RGS6: variants seen among roughly 807,000 people sequenced by gnomAD.
RGS6 encodes regulator of G-protein signaling 6.
RGS6 carries 30 observed loss-of-function variants against 78.5 expected under a neutral mutation model. The ratio of observed to expected loss-of-function variants is 0.38; its 90% CI spans 0.29 to 0.52. RGS6 has a LOEUF of 0.52. Among genes scored for constraint, RGS6 ranks in the 20% least tolerant of loss-of-function variants. RGS6 has a pLI of 0.85. For synonymous variants in RGS6, 206 were observed against 206.0 expected, an observed-to-expected ratio of 1.00 and a Z score of 0.00; for missense variants, 495 against 609.7, an observed-to-expected ratio of 0.81 and a Z score of 1.98.
At chr14:72,002,391 A>G (rs1358768567) in intron 2 of RGS6, among the ~76,000 whole-genome samples, 3 of 152,172 alleles carry the variant, frequency 2.0e-5, no homozygotes, top group African/African-American at 7.2e-5. Context: ...CATTTTAGAC[A>G]TTAGTGTTTT....
the RGS6 span, among the ~76,000 whole-genome samples, chr14:72,584,640 T>G: frequency 6.6e-6 from 1 of 152,138 alleles, no homozygotes; most frequent in Non-Finnish European, 1.5e-5. Flanking sequence ...AGGGTGATCC[T>G]ACAGAGAGTA....
At chr14:72,387,055 T>C (rs2088320626) in intron 3 of RGS6, among the ~76,000 whole-genome samples, 1 of 152,190 alleles carries the variant, frequency 6.6e-6, no homozygotes, top group Non-Finnish European at 1.5e-5. Flanking sequence ...CTTAAAACAC[T>C]GACTATGCAA....
rs139341855 is a variant in RGS6, at chr14:72,382,397, T to C, written c.184+30203T>C. 2.3e-3 allele frequency among the ~76,000 whole-genome samples: 345 copies of C among 152,316 alleles called. 1 individual carries two copies. The highest frequency in any genetic ancestry group is 7.7e-3 in the African/African-American group (322 of 41,568). On this transcript the variant is annotated intron_variant, in intron 3 of 17. Coordinates refer to ENST00000553525, the MANE Select transcript of RGS6 (RefSeq NM_001204424.2). ...CAAATTAATTAAAACTACAGTGAGATATCATTTTAATTCACTAAACTGGAA... is the reference window on the plus strand; with the variant it reads ...CAAATTAATTAAAACTACAGTGAGACATCATTTTAATTCACTAAACTGGAA...
At chr14:72,034,048 A>G (rs964495025) in intron 2 of RGS6, among the ~76,000 whole-genome samples, 1 of 152,208 alleles carries the variant, frequency 6.6e-6, no homozygotes, top group Admixed American at 6.5e-5. Context: ...AGCCATTTAT[A>G]GTATATCTTC....
chr14:72,593,152 A>G, the RGS6 span, among the ~76,000 whole-genome samples: 4 of 152,254 alleles, frequency 2.6e-5, no homozygotes, highest in Non-Finnish European at 5.9e-5. Flanking sequence ...ACCCACAACC[A>G]TGCCCAAGAA....
At chr14:72,174,834 T>C (rs752465283) in intron 2 of RGS6, among the ~76,000 whole-genome samples, 9 of 152,312 alleles carry the variant, frequency 5.9e-5, no homozygotes, top group Middle Eastern at 6.8e-3. Context: ...GTGGCAGTTT[T>C]GGCAGCTGAC....
chr14:72,304,868 G>C (rs1198226533), intron 2 of RGS6, among the ~76,000 whole-genome samples: 4 of 143,094 alleles, frequency 2.8e-5, no homozygotes, highest in Non-Finnish European at 6.0e-5. Context: ...CACAGAGCGA[G>C]ATTCTGTCTC....
Position 72,540,159 on chromosome 14 carries a change from T to TC in RGS6, c.1422+65_1422+66insC, listed in dbSNP as rs201782787. 1,829 of 1,053,306 alleles carry TC rather than the reference T, an allele frequency of 1.7e-3. 6 individuals are homozygous for TC. In the African/African-American group the frequency reaches 0.02, roughly 12 times the overall value. 65.2% of individuals were successfully genotyped at this position (1,053,306 alleles called of 1,614,324 possible). ...GTTTTGGTTTTTTCTTTCTTCTTCT[T>TC]TTTTTTTTTTTTCCCTTTGGTTGTT... On this transcript the variant is annotated intron_variant, in intron 17 of 17. Coordinates refer to ENST00000553525, the MANE Select transcript of RGS6 (RefSeq NM_001204424.2).
At chr14:72,540,650 G>A (rs780924629) in intron 17 of RGS6, 5 of 1,410,552 alleles carry the variant, frequency 3.5e-6, no homozygotes, top group Non-Finnish European at 4.7e-6. Flanking sequence ...GTGTGTGTTA[G>A]TCGCCTCTGC....
At chr14:72,334,350 G>A (rs1279799194) in intron 2 of RGS6, among the ~76,000 whole-genome samples, 1 of 152,190 alleles carries the variant, frequency 6.6e-6, no homozygotes, top group Non-Finnish European at 1.5e-5. Context: ...TGTCTCGTTT[G>A]ACGCCTACAA....
chr14:72,255,464 T>C (rs144973926), intron 2 of RGS6, among the ~76,000 whole-genome samples: 1 of 152,306 alleles, frequency 6.6e-6, no homozygotes, highest in Admixed American at 6.5e-5. Flanking sequence ...CCACAGTTAT[T>C]CCTTACATTT....
chr14:72,498,825 A>G (rs557484961), intron 13 of RGS6, among the ~76,000 whole-genome samples: 1 of 152,308 alleles, frequency 6.6e-6, no homozygotes, highest in South Asian at 2.1e-4. Flanking sequence ...GGTTTGGTTC[A>G]CGGAGTTCCC....
At chr14:72,447,765 C>T (rs1371587432) in intron 3 of RGS6, among the ~76,000 whole-genome samples, 20 of 152,154 alleles carry the variant, frequency 1.3e-4, no homozygotes, top group African/African-American at 3.6e-4. Context: ...TGCAGTGGCA[C>T]GATCTCGGCT....
chr14:72,477,994 T>C (rs2096280387), intron 11 of RGS6, among the ~76,000 whole-genome samples: 1 of 152,038 alleles, frequency 6.6e-6, no homozygotes, highest in Non-Finnish European at 1.5e-5. Context: ...ACGTAGAAAA[T>C]ACATTGCCTT....
In RGS6 at chr14:72,465,610, A is replaced by ATGGATGGT; in HGVS notation, c.395-145_395-144insATGGTTGG. ...GATGGATGGATGGATGGTTGGGTGG[A>ATGGATGGT]TGGGTGGATGGGTGGATGGATGGAT... On this transcript the variant is annotated intron_variant, in intron 6 of 17. Coordinates refer to ENST00000553525, the MANE Select transcript of RGS6 (RefSeq NM_001204424.2). 7.3e-6 allele frequency: 4 copies of ATGGATGGT among 547,216 alleles called. No homozygotes were observed. In the African/African-American group the frequency reaches 7.3e-5, roughly 10 times the overall value. The allele number at this position is 547,216 out of a possible 1,614,324, so 33.9% of individuals were successfully genotyped here.
intron 2 of RGS6, among the ~76,000 whole-genome samples, chr14:72,269,970 C>T (rs375328802): frequency 1.3e-5 from 2 of 152,308 alleles, no homozygotes; most frequent in East Asian, 3.9e-4. Context: ...ATGTCCTGCC[C>T]TCAGGAAGTT....
chr14:72,035,120 G>A (rs972453084), intron 2 of RGS6, among the ~76,000 whole-genome samples: 1 of 152,004 alleles, frequency 6.6e-6, no homozygotes, highest in African/African-American at 2.4e-5. Context: ...GTACTATTCA[G>A]GGTTTCAGGC....
At chr14:72,387,028 A>T (rs888439996) in intron 3 of RGS6, among the ~76,000 whole-genome samples, 1 of 152,134 alleles carries the variant, frequency 6.6e-6, no homozygotes, top group African/African-American at 2.4e-5. Flanking sequence ...GGTTACCAAC[A>T]CTCATCAAAC....
intron 1 of RGS6, among the ~76,000 whole-genome samples, chr14:71,947,047 C>T (rs1370226123): frequency 6.6e-6 from 1 of 152,176 alleles, no homozygotes; most frequent in African/African-American, 2.4e-5. Context: ...TGCTGTTTTT[C>T]AGGCTGTCAG....
Sources: gnomAD v4.1 joint callset for allele counts (sites outside exome capture counted in the v4.1 genomes callset) on GRCh38, gnomAD v4.1.1 for gene constraint, MANE v1.5 for transcripts, NCBI Gene and HGNC (gene_info 2026-07-23, HGNC 2026-07-21) for gene names.